The following DIAPH3 variants were observed in gnomAD, a reference collection of about 807,000 sequenced individuals.
DIAPH3 encodes diaphanous related formin 3.
DIAPH3 carries 117 observed loss-of-function variants against 144.3 expected under a neutral mutation model. The observed-to-expected ratio is 0.81, with a 90% CI of 0.70 to 0.95. The LOEUF is 0.95. Ranked by LOEUF, DIAPH3 falls within the 40% of genes least tolerant of loss-of-function variation. The pLI is 0.00. For synonymous variants in DIAPH3, 519 were observed against 488.9 expected (o/e 1.06, Z -0.81); for missense variants, 1,421 against 1,412.7 (o/e 1.01, Z -0.09).
chr13:59,764,022 G>C (rs1324692196), intron 27 of DIAPH3, among the ~76,000 whole-genome samples: 1 of 151,728 alleles, frequency 6.6e-6, no homozygotes, highest in Non-Finnish European at 1.5e-5. Context: ...TCTGTCATCT[G>C]CTTGGAGCAT....
intron 20 of DIAPH3, among the ~76,000 whole-genome samples, chr13:59,880,250 C>A (rs67207933): frequency 1.3e-5 from 2 of 152,106 alleles, no homozygotes; most frequent in African/African-American, 4.8e-5. Context: ...AGGAAATAAT[C>A]ACTTAGCTGT....
chr13:60,136,138 T>C (rs933709434), intron 1 of DIAPH3, among the ~76,000 whole-genome samples: 1 of 152,180 alleles, frequency 6.6e-6, no homozygotes, highest in African/African-American at 2.4e-5. Context: ...TATGGGGTTT[T>C]AGCCTTACTT....
At chr13:60,006,905 T>A (rs1200626739) in intron 9 of DIAPH3, among the ~76,000 whole-genome samples, 2 of 152,182 alleles carry the variant, frequency 1.3e-5, no homozygotes, top group Non-Finnish European at 2.9e-5. Flanking sequence ...GCAGGACCCA[T>A]GCCATAGAGA....
chr13:59,796,945 T>G (rs142478952), intron 25 of DIAPH3, among the ~76,000 whole-genome samples: 1 of 152,296 alleles, frequency 6.6e-6, no homozygotes, highest in East Asian at 1.9e-4. Context: ...GAAGGAATCT[T>G]ATTGTGTAGA....
At chr13:60,111,401 C>A (rs1428008526) in intron 3 of DIAPH3, among the ~76,000 whole-genome samples, 1 of 152,240 alleles carries the variant, frequency 6.6e-6, no homozygotes, top group African/African-American at 2.4e-5. Context: ...AGCACAGTGA[C>A]TGTCATTTTA....
intron 22 of DIAPH3, among the ~76,000 whole-genome samples, chr13:59,856,461 G>C (rs1402395076): frequency 2.0e-5 from 3 of 152,136 alleles, no homozygotes; most frequent in Non-Finnish European, 4.4e-5. Context: ...TTTCCTCTGA[G>C]GGGCATAAGG....
intron 7 of DIAPH3, chr13:60,013,125 G>A (rs1235110364): frequency 2.0e-6 from 2 of 984,730 alleles, no homozygotes; most frequent in African/African-American, 3.5e-5. Flanking sequence ...AAGGTCTAAG[G>A]ATGTATCTTT....
At position 59,819,122 on chromosome 13, in the gene DIAPH3, C is replaced by T. The variant is rs565460517; in HGVS notation, c.3028-8199G>A. Among the ~76,000 whole-genome samples the T allele has an allele frequency of 2.0e-4, 31 of 151,910 alleles. No individual in the cohort carries two copies. The South Asian group carries it at 5.8e-3, about 28-fold the overall frequency. On this transcript the variant is annotated intron_variant, in intron 24 of 27. Coordinates refer to ENST00000400324, the MANE Select transcript of DIAPH3 (RefSeq NM_001042517.2). ...CTTAATTTGTGAGAATCTTGAGGAC[C>T]TAAATTGTAACTGTCCTCTGGCACA...
At chr13:59,913,951 G>T (rs1417852895) in intron 19 of DIAPH3, among the ~76,000 whole-genome samples, 1 of 151,294 alleles carries the variant, frequency 6.6e-6, no homozygotes, top group Admixed American at 6.6e-5. Flanking sequence ...GTCTCACTCT[G>T]TCTCAAAAAA....
rs1346275468 is a variant in DIAPH3 at position 59,924,807 on chromosome 13, T to C, written c.2138A>G (p.Lys713Arg). The change falls in exon 18 of 28, where the codon AAG becomes AGG. Residue 713 changes from lysine to arginine, a missense_variant. By Grantham distance (26) the Lys-to-Arg change is conservative. Transcript: ENST00000400324. ...CTGGGCAATTTTAGAATCTAAAAAC[T>C]TAAGTTCTTTAATTTTTTTCTTAAT... is the stretch of plus-strand genomic sequence containing the variant. ...KSIKKKIKEL[K>R]FLDSKIAQNL... 2 of 1,602,308 alleles carry C rather than the reference T, an allele frequency of 1.2e-6. No individual in the cohort carries two copies. Among genetic ancestry groups the C allele is most frequent in the South Asian group, 1.1e-5 (1 of 90,802 alleles).
At chr13:59,977,742 G>A (rs1357649820) in intron 14 of DIAPH3, among the ~76,000 whole-genome samples, 2 of 151,730 alleles carry the variant, frequency 1.3e-5, no homozygotes, top group African/African-American at 4.8e-5. Context: ...AGCGAGAGGA[G>A]TGTATCTAAG....
chr13:60,051,870 A>T (rs1276392524), intron 4 of DIAPH3, among the ~76,000 whole-genome samples: 1 of 152,230 alleles, frequency 6.6e-6, no homozygotes, highest in Non-Finnish European at 1.5e-5. Context: ...TAAAAGTGAG[A>T]ACACCGAGCT....
intron 13 of DIAPH3, among the ~76,000 whole-genome samples, chr13:59,983,013 C>G (rs2051117497): frequency 1.3e-5 from 2 of 151,262 alleles, no homozygotes; most frequent in South Asian, 4.2e-4. Flanking sequence ...CATTGGCAGC[C>G]TATTTATCGG....
intron 27 of DIAPH3, among the ~76,000 whole-genome samples, chr13:59,744,242 AATT>A (rs2036600115): frequency 1.3e-5 from 2 of 152,226 alleles, no homozygotes; most frequent in African/African-American, 4.8e-5. Context: ...CATGATATCC[AATT>A]ATTGCACAGA....
At chr13:60,152,088 C>T (rs980669732) in intron 1 of DIAPH3, among the ~76,000 whole-genome samples, 2 of 152,050 alleles carry the variant, frequency 1.3e-5, no homozygotes, top group East Asian at 1.9e-4. Context: ...CAGCCAACCT[C>T]GGAAAAAAAT....
intron 9 of DIAPH3, among the ~76,000 whole-genome samples, chr13:60,006,842 G>A (rs2140925525): frequency 6.6e-6 from 1 of 152,250 alleles, no homozygotes; most frequent in African/African-American, 2.4e-5. Flanking sequence ...CGAAGCCAAT[G>A]TCATCTAACA....
rs146267090 is a variant in DIAPH3 at position 59,821,425 on chromosome 13, GGAAA to G, written c.3028-10506_3028-10503del. Among the ~76,000 whole-genome samples the G allele has an allele frequency of 2.2e-3, 340 of 151,966 alleles. 1 individual carries two copies. Among genetic ancestry groups the G allele is most frequent in the African/African-American group, 7.7e-3 (320 of 41,474 alleles). Reference sequence around the variant, plus strand: ...GAATAATTGGAAAACATTTTAATTTGGAAAAAATCCTTAAAAATACATTTCTGTA... The same window carrying G: ...GAATAATTGGAAAACATTTTAATTTGAAATCCTTAAAAATACATTTCTGTA... On this transcript the variant is annotated intron_variant, in intron 24 of 27. Coordinates refer to ENST00000400324, the MANE Select transcript of DIAPH3 (RefSeq NM_001042517.2).
At chr13:60,057,163 C>G (rs2137665) in intron 4 of DIAPH3, among the ~76,000 whole-genome samples, 84,258 of 151,494 alleles carry the variant, frequency 0.56, 23,969 homozygotes, top group Admixed American at 0.6. Context: ...AAGACTTCTC[C>G]AAAAGACTCC....
Position 60,012,276 on chromosome 13 carries a change from A to C in DIAPH3, c.772-1607T>G, listed in dbSNP as rs187229368. Among the ~76,000 whole-genome samples, 13 of 152,352 alleles carry C rather than the reference A, an allele frequency of 8.5e-5. No homozygotes were observed. The East Asian group carries it at 2.5e-3, about 29-fold the overall frequency. ...ACCACTATCTGAGAAACACAGGAAC[A>C]ATGGAGAAAGTATGAGGAAAGGCCA... On this transcript the variant is annotated intron_variant, in intron 7 of 27. Transcript: ENST00000400324.
Sources: gnomAD v4.1 joint callset for allele counts (sites outside exome capture counted in the v4.1 genomes callset) on GRCh38, gnomAD v4.1.1 for gene constraint, MANE v1.5 for transcripts, NCBI Gene and HGNC (gene_info 2026-07-23, HGNC 2026-07-21) for gene names.